Variants in DYNLT5 observed in about 807,000 individuals in gnomAD.
The protein encoded by DYNLT5 is dynein light chain Tctex-type family member 5.
A neutral mutation model predicts 19.3 loss-of-function variants in DYNLT5; 25 were observed. The observed-to-expected ratio is 1.30, with a 90% CI of 0.95 to 1.81. The LOEUF (loss-of-function observed/expected upper bound fraction) is 1.81. Ranked by LOEUF, DYNLT5 falls within the 40% of genes most tolerant of loss-of-function variation. DYNLT5 has a pLI of 0.00. For synonymous variants in DYNLT5, 82 were observed against 68.9 expected (o/e 1.19, Z -0.94); for missense variants, 232 against 217.9 (o/e 1.06, Z -0.41).
At chr1:66,766,687 C>T (rs867717003) in intron 2 of DYNLT5, among the ~76,000 whole-genome samples, 3 of 151,876 alleles carry the variant, frequency 2.0e-5, no homozygotes, top group South Asian at 2.1e-4. Context: ...TCAACATTTT[C>T]CTTCTTTTTT....
chr1:66,764,514 A>G (rs1572547070), intron 2 of DYNLT5, among the ~76,000 whole-genome samples: 1 of 152,356 alleles, frequency 6.6e-6, no homozygotes, highest in South Asian at 2.1e-4. Context: ...TTATCAATTA[A>G]GTCAGCTTCT....
At chr1:66,771,380 A>G (rs1328890513) in intron 3 of DYNLT5, among the ~76,000 whole-genome samples, 2 of 152,198 alleles carry the variant, frequency 1.3e-5, no homozygotes, top group Non-Finnish European at 2.9e-5. Flanking sequence ...AATTCCACCA[A>G]CATCACCACT....
chr1:66,754,270 T>A (rs1327799239), intron 1 of DYNLT5, among the ~76,000 whole-genome samples: 3 of 152,158 alleles, frequency 2.0e-5, no homozygotes, highest in Non-Finnish European at 4.4e-5. Flanking sequence ...ACAGCAAATA[T>A]TAATTAGCAA....
intron 2 of DYNLT5, among the ~76,000 whole-genome samples, chr1:66,756,993 A>T (rs1347567087): frequency 6.6e-6 from 1 of 152,156 alleles, no homozygotes; most frequent in Non-Finnish European, 1.5e-5. Flanking sequence ...GTGCTCTCTA[A>T]TTACTCATCT....
At position 66,778,321 on chromosome 1, in the gene DYNLT5, T is replaced by C. The variant is rs1645248936; in HGVS notation, c.*867T>C. ...CCTTAACAAATAAAGCATGTGTAGTTACCATTTTACTCCTATGAATTTAAT... is the reference window on the plus strand; with the variant it reads ...CCTTAACAAATAAAGCATGTGTAGTCACCATTTTACTCCTATGAATTTAAT... On this transcript the variant is annotated 3_prime_UTR_variant, in exon 5 of 5. Coordinates refer to ENST00000282670, the MANE Select transcript of DYNLT5 (RefSeq NM_152665.3). The C allele has an allele frequency of 6.5e-6, 1 of 152,674 alleles. No individual in the cohort carries two copies. Among genetic ancestry groups the C allele is most frequent in the African/African-American group, 2.4e-5 (1 of 41,470 alleles). The allele number at this position is 152,674 out of a possible 1,614,324, so 9.5% of individuals were successfully genotyped here. A position where few individuals can be genotyped will look rare whatever the true frequency, so the allele number is the denominator to read the frequency against.
chr1:66,754,766 G>A lies in DYNLT5; in HGVS notation c.108G>A (p.Gly36=), dbSNP rs2094633053. ...AATTTTGGCGAAAGGAAATTCATGGGCGCATCAAAGAGTGAGTAACTGTCT... is the reference window on the plus strand; with the variant it reads ...AATTTTGGCGAAAGGAAATTCATGGACGCATCAAAGAGTGAGTAACTGTCT... ...NHEFWRKEIH[G]RIKDSMSTVS... is the part of the protein sequence containing the mutation. The change falls in exon 2 of 5, where the codon GGG becomes GGA. Residue 36 remains glycine, a synonymous_variant. Coordinates refer to ENST00000282670, the MANE Select transcript of DYNLT5 (RefSeq NM_152665.3). The A allele has an allele frequency of 3.1e-6, 5 of 1,611,788 alleles. No homozygotes were observed. Among genetic ancestry groups the A allele is most frequent in the Non-Finnish European group, 3.4e-6 (4 of 1,179,334 alleles).
At chr1:66,755,489 A>G (rs1351501468) in intron 2 of DYNLT5, among the ~76,000 whole-genome samples, 3 of 152,204 alleles carry the variant, frequency 2.0e-5, no homozygotes, top group Non-Finnish European at 4.4e-5. Context: ...GTAGCAGTCA[A>G]TTAATAATAG....
At chr1:66,776,560 G>GTGTGTGTGTGTGT (rs1557875500) in intron 4 of DYNLT5, among the ~76,000 whole-genome samples, 157 bp downstream of exon 4, 249 of 126,690 alleles carry the variant, frequency 2.0e-3, no homozygotes, top group African/African-American at 6.8e-3. Flanking sequence ...TGTGTGTGTG[G>GTGTGTGTGTGTGT]GTGTGTGTGT....
At chr1:66,756,621 C>A (rs547888) in intron 2 of DYNLT5, among the ~76,000 whole-genome samples, 132,766 of 152,242 alleles carry the variant, frequency 0.87, 58,222 homozygotes, top group Middle Eastern at 0.94. Flanking sequence ...GAATCTCCCC[C>A]GCATTAATCC....
intron 3 of DYNLT5, chr1:66,775,507 C>G (rs1557875115): frequency 6.6e-6 from 1 of 151,996 alleles, no homozygotes; most frequent in Non-Finnish European, 1.5e-5. Context: ...ATTTCTTATG[C>G]CTTTAGCATT....
intron 1 of DYNLT5, among the ~76,000 whole-genome samples, chr1:66,752,941 G>A (rs186141178): frequency 6.6e-6 from 1 of 152,318 alleles, no homozygotes; most frequent in African/African-American, 2.4e-5. Flanking sequence ...CGGCCTGCAG[G>A]GCAGCTTTGG....
At chr1:66,761,517 C>T (rs1320179437) in intron 2 of DYNLT5, among the ~76,000 whole-genome samples, 1 of 152,150 alleles carries the variant, frequency 6.6e-6, no homozygotes, top group East Asian at 1.9e-4. Context: ...GGCAAAGTGA[C>T]TCACGCCTAT....
At chr1:66,762,640 A>G (rs932797869) in intron 2 of DYNLT5, among the ~76,000 whole-genome samples, 2 of 152,222 alleles carry the variant, frequency 1.3e-5, no homozygotes, top group African/African-American at 2.4e-5. Context: ...GCCCAGATCC[A>G]TCAGAGGAAT....
intron 2 of DYNLT5, among the ~76,000 whole-genome samples, chr1:66,756,882 G>A (rs1003679939): frequency 5.3e-5 from 8 of 152,268 alleles, no homozygotes; most frequent in Admixed American, 3.9e-4. Context: ...TTCCCCATGG[G>A]GTACCCCGAC....
intron 2 of DYNLT5, chr1:66,768,899 C>T (rs1645185649): frequency 6.6e-6 from 1 of 152,154 alleles, no homozygotes; most frequent in African/African-American, 2.4e-5. Flanking sequence ...GTACATTAAG[C>T]CCTTTGCCTC....
intron 2 of DYNLT5, among the ~76,000 whole-genome samples, chr1:66,763,345 G>T (rs2094649096): frequency 1.3e-5 from 2 of 152,214 alleles, no homozygotes; most frequent in Non-Finnish European, 2.9e-5. Context: ...TTTCAGGATG[G>T]TAAATGAGTA....
At chr1:66,754,631 A>G (rs531650667) in intron 1 of DYNLT5, 25 bp from the exon 2 acceptor site, 32 of 1,577,854 alleles carry the variant, frequency 2.0e-5, no homozygotes, top group Non-Finnish European at 2.6e-5. Context: ...TTCTTTTGCT[A>G]TTTTACAAAA....
chr1:66,765,141 T>C (rs762295986), intron 2 of DYNLT5, among the ~76,000 whole-genome samples: 2 of 152,214 alleles, frequency 1.3e-5, no homozygotes, highest in Non-Finnish European at 2.9e-5. Flanking sequence ...ATTTATACCC[T>C]GAAGACCTTG....
At position 66,778,712 on chromosome 1, in the gene DYNLT5, T is replaced by C. The variant is rs550012144; in HGVS notation, c.*1258T>C. On this transcript the variant is annotated 3_prime_UTR_variant, in exon 5 of 5. Transcript: ENST00000282670. Reference sequence around the variant, plus strand: ...GTCTTACTTTTCCCTAAAAATGACATGTAGTAAAAAATGGATACTTTTAAA... The same window carrying C: ...GTCTTACTTTTCCCTAAAAATGACACGTAGTAAAAAATGGATACTTTTAAA... 3 of 152,530 alleles carry C rather than the reference T, an allele frequency of 2.0e-5. No homozygotes were observed. Among genetic ancestry groups the C allele is most frequent in the African/African-American group, 7.2e-5 (3 of 41,474 alleles). 9.4% of individuals were successfully genotyped at this position (152,530 alleles called of 1,614,324 possible).
Sources: allele counts gnomAD v4.1 joint callset (sites outside exome capture counted in the v4.1 genomes callset), GRCh38; gene constraint gnomAD v4.1.1; transcripts MANE v1.5; gene names NCBI Gene and HGNC (gene_info 2026-07-23, HGNC 2026-07-21).